The following SUGP1 variants were observed in gnomAD, a reference collection of about 807,000 sequenced individuals.
The protein encoded by SUGP1 is SURP and G-patch domain containing 1.
SUGP1 carries 34 observed loss-of-function variants against 76.5 expected under a neutral mutation model. That is an observed-to-expected ratio of 0.44 (90% confidence interval 0.34 to 0.59). SUGP1 has a LOEUF of 0.59. Among genes scored for constraint, SUGP1 ranks in the 20% least tolerant of loss-of-function variants. The pLI is 0.01. For synonymous variants in SUGP1, 326 were observed against 326.2 expected, an observed-to-expected ratio of 1.00 and a Z score of 0.01; for missense variants, 752 against 851.7, an observed-to-expected ratio of 0.88 and a Z score of 1.46.
At chr19:19,286,327 C>G (rs368596014) in intron 8 of SUGP1, among the ~76,000 whole-genome samples, 1 of 152,124 alleles carries the variant, frequency 6.6e-6, no homozygotes, top group South Asian at 2.1e-4. Context: ...TCATAACACA[C>G]GTACTCTATG....
intron 8 of SUGP1, among the ~76,000 whole-genome samples, chr19:19,295,936 T>C (rs1380957488): frequency 2.0e-5 from 3 of 152,168 alleles, no homozygotes; most frequent in African/African-American, 7.2e-5. Context: ...ACATGGTCAA[T>C]AAGCATATGA....
rs573288151 is a variant in SUGP1 at position 19,285,869 on chromosome 19, AC to A, written c.1244-5579del. Among the ~76,000 whole-genome samples, 14 of 152,266 alleles carry A rather than the reference AC, an allele frequency of 9.2e-5. No individual in the cohort carries two copies. The South Asian group carries it at 1.9e-3, about 20-fold the overall frequency. On this transcript the variant is annotated intron_variant, in intron 8 of 13. Coordinates refer to ENST00000247001, the MANE Select transcript of SUGP1 (RefSeq NM_172231.4). ...CATGAGCTACCGTACCCGGCCAAGC[AC>A]CAGAACTTAAGGCAGGATAACGCTA...
intron 2 of SUGP1, 26 bp downstream of exon 2, chr19:19,316,385 ACATCCAGGCCC>A (rs772224287): frequency 3.7e-6 from 6 of 1,611,148 alleles, no homozygotes; most frequent in East Asian, 2.2e-5. Flanking sequence ...TCAAAGACTC[ACATCCAGGCCC>A]CATCCAGGCC....
chr19:19,319,706 C>CAAAAAAAAAA (rs570232030), intron 1 of SUGP1, among the ~76,000 whole-genome samples: 5 of 69,266 alleles, frequency 7.2e-5, no homozygotes, highest in Non-Finnish European at 8.9e-5. Flanking sequence ...GACCCTGTCT[C>CAAAAAAAAAA]AAAAAAAAAA....
At position 19,297,324 on chromosome 19, in the gene SUGP1, C is replaced by T. The variant is rs758349812; in HGVS notation, c.908G>A (p.Ser303Asn). ...QAFSFLYEPN[S>N]QGYKYYRQKL... Reference sequence around the variant, plus strand: ...CTGTCGGTAGTACTTGTACCCTTGGCTATTGGGCTCATACAGAAAGCTGCA... The same window carrying T: ...CTGTCGGTAGTACTTGTACCCTTGGTTATTGGGCTCATACAGAAAGCTGCA... Residue 303 changes from serine (S) to asparagine (N), a missense_variant, in exon 8 of 14, where the codon AGC (serine) becomes AAC (asparagine). Transcript: ENST00000247001. 2.2e-5 allele frequency: 33 copies of T among 1,520,310 alleles called. No individual in the cohort carries two copies. In the Admixed American group the frequency reaches 7.1e-4, roughly 33 times the overall value. 94.2% of individuals were successfully genotyped at this position (1,520,310 alleles called of 1,614,324 possible). A position where few individuals can be genotyped will look rare whatever the true frequency, so the allele number is the denominator to read the frequency against.
At chr19:19,309,985 TA>T (rs2061342600) in intron 3 of SUGP1, 111 bp downstream of exon 3, 1 of 721,652 alleles carries the variant, frequency 1.4e-6, no homozygotes, top group African/African-American at 1.8e-5. Context: ...GAGGGCGATC[TA>T]TGATTACCGG....
rs1413638275 is a variant in SUGP1, at chr19:19,278,714, A to G, written c.1611T>C (p.Phe537=). 1 of 1,613,596 alleles carries G rather than the reference A, an allele frequency of 6.2e-7. No homozygotes were observed. Among genetic ancestry groups the G allele is most frequent in the African/African-American group, 1.3e-5 (1 of 74,868 alleles). The change falls in exon 11 of 14, where the codon TTT becomes TTC. Residue 537 remains phenylalanine (F), a synonymous_variant. Transcript: ENST00000247001. The stretch of plus-strand genomic sequence containing the variant: ...CCTTCAGGGCCTTGAAGGTCTCCAT[A>G]AACTTTTCCAGCTCGTCTGGAGGCA... ...DFLPPDELEK[F]METFKALKEG...
chr19:19,299,641 C>CA (rs2061256156), intron 7 of SUGP1, among the ~76,000 whole-genome samples: 1 of 151,838 alleles, frequency 6.6e-6, no homozygotes, highest in South Asian at 2.1e-4. Flanking sequence ...CTCAGCCTCC[C>CA]AAAGTGCTGG....
chr19:19,279,298 G>C lies in SUGP1; in HGVS notation c.1443C>G (p.His481Gln). The C allele has an allele frequency of 6.2e-7, 1 of 1,610,892 alleles. No individual in the cohort carries two copies. The highest frequency in any genetic ancestry group is 1.1e-5 in the South Asian group (1 of 90,794). The part of the protein sequence containing the change: ...LWEKAVQQHQ[H>Q]GYDSDEEVDS... ...CCACCTCCTCATCACTGTCATAGCCGTGCTGGTGCTGTTGGACTGCCTTCT... is the reference window on the plus strand; with the variant it reads ...CCACCTCCTCATCACTGTCATAGCCCTGCTGGTGCTGTTGGACTGCCTTCT... The change falls in exon 10 of 14, where the codon CAC (histidine) becomes CAG (glutamine). Residue 481 changes from histidine to glutamine, a missense_variant. Physicochemically the swap from His to Gln is conservative, Grantham distance 24. This residue lies in a region of SUGP1 where 132 missense variants were observed against 234.4 expected (regional missense o/e 0.56). Coordinates refer to ENST00000247001, the MANE Select transcript of SUGP1 (RefSeq NM_172231.4).
intron 8 of SUGP1, among the ~76,000 whole-genome samples, chr19:19,283,696 C>T (rs1471854083): frequency 4.6e-5 from 7 of 152,156 alleles, no homozygotes; most frequent in East Asian, 1.9e-4. Context: ...TTCATTGATC[C>T]GCCCGCCTCG....
chr19:19,277,600 G>C, intron 12 of SUGP1, 134 bp downstream of exon 12: 1 of 1,195,282 alleles, frequency 8.4e-7, no homozygotes, highest in Non-Finnish European at 1.2e-6. Context: ...CCTGACAAGG[G>C]GTGTGCAGTG....
intron 2 of SUGP1, among the ~76,000 whole-genome samples, chr19:19,314,003 T>C (rs1181957055): frequency 3.3e-5 from 5 of 152,058 alleles, no homozygotes; most frequent in Non-Finnish European, 7.4e-5. Context: ...CCGGGCACGA[T>C]GGTGGGTTCC....
chr19:19,278,866 A>G, intron 10 of SUGP1, 70 bp from the exon 11 acceptor site: 1 of 1,487,336 alleles, frequency 6.7e-7, no homozygotes. Flanking sequence ...GGTGGCTCCC[A>G]GGGCACAGGT....
chr19:19,311,482 C>A (rs902311556), intron 2 of SUGP1, among the ~76,000 whole-genome samples: 1 of 151,814 alleles, frequency 6.6e-6, no homozygotes, highest in Non-Finnish European at 1.5e-5. Context: ...AATCCCAGCA[C>A]TTTGGGAGGC....
chr19:19,296,006 T>C (rs1164877637), intron 8 of SUGP1, among the ~76,000 whole-genome samples: 2 of 152,194 alleles, frequency 1.3e-5, no homozygotes, highest in African/African-American at 4.8e-5. Flanking sequence ...GAGATATCAC[T>C]TCATACCTCT....
intron 2 of SUGP1, among the ~76,000 whole-genome samples, chr19:19,312,622 G>A (rs748420796): frequency 2.0e-5 from 3 of 152,034 alleles, no homozygotes; most frequent in African/African-American, 4.8e-5. Context: ...AATAAATTAC[G>A]GGCCATCCAC....
intron 1 of SUGP1, among the ~76,000 whole-genome samples, chr19:19,320,074 GA>G (rs1256821700): frequency 6.6e-6 from 1 of 152,220 alleles, no homozygotes; most frequent in African/African-American, 2.4e-5. Flanking sequence ...AAGCACTTCG[GA>G]AAAGCAGCTT....
intron 8 of SUGP1, among the ~76,000 whole-genome samples, chr19:19,294,738 G>A (rs375456756): frequency 6.6e-6 from 1 of 151,278 alleles, no homozygotes; most frequent in South Asian, 2.1e-4. Context: ...CTGGGAGACC[G>A]CACAACTACC....
At chr19:19,284,650 C>CA (rs1303184950) in intron 8 of SUGP1, among the ~76,000 whole-genome samples, 1 of 152,160 alleles carries the variant, frequency 6.6e-6, no homozygotes, top group African/African-American at 2.4e-5. Flanking sequence ...AAAGCAAAGT[C>CA]ACTATATGAC....
Sources: allele counts gnomAD v4.1 joint callset (sites outside exome capture counted in the v4.1 genomes callset), GRCh38; gene constraint gnomAD v4.1.1; regional missense constraint gnomAD v4.1.1; transcripts MANE v1.5; gene names NCBI Gene and HGNC (gene_info 2026-07-23, HGNC 2026-07-21).